MYO1D: variants seen among roughly 807,000 people sequenced by gnomAD.
MYO1D encodes the protein myosin ID.
A neutral mutation model predicts 122.0 loss-of-function variants in MYO1D; 83 were observed. The ratio of observed to expected loss-of-function variants is 0.68; its 90% CI spans 0.57 to 0.82. The LOEUF (loss-of-function observed/expected upper bound fraction) is 0.82, where lower values mean the gene tolerates loss of function less well. Among genes scored for constraint, MYO1D ranks in the 40% least tolerant of loss-of-function variants. MYO1D has a pLI of 0.00. For synonymous variants in MYO1D, 464 were observed against 446.9 expected (o/e 1.04, Z -0.48); for missense variants, 1,157 against 1,269.5 (o/e 0.91, Z 1.35).
At chr17:32,810,176 CTAT>C (rs1438491543) in intron 1 of MYO1D, among the ~76,000 whole-genome samples, 1 of 151,926 alleles carries the variant, frequency 6.6e-6, no homozygotes, top group Non-Finnish European at 1.5e-5. Flanking sequence ...TGACAAGGGA[CTAT>C]ATATGAAGGG....
intron 19 of MYO1D, among the ~76,000 whole-genome samples, chr17:32,647,687 ATTTTT>A (rs10561856): frequency 9.5e-5 from 13 of 136,366 alleles, no homozygotes; most frequent in East Asian, 4.2e-4. Flanking sequence ...TAGCTTATAC[ATTTTT>A]TTTTTTTTTT....
intron 2 of MYO1D, among the ~76,000 whole-genome samples, chr17:32,779,581 G>T (rs1411341513): frequency 6.6e-6 from 1 of 151,934 alleles, no homozygotes; most frequent in African/African-American, 2.4e-5. Flanking sequence ...ACTGTTAACA[G>T]CTGTTACTGC....
At chr17:32,876,673 T>G in intron 1 of MYO1D, 105 bp downstream of exon 1, 1 of 914,836 alleles carries the variant, frequency 1.1e-6, no homozygotes, top group Non-Finnish European at 1.6e-6. Context: ...CCTCCATCCC[T>G]GGAGCTTGGG....
intron 8 of MYO1D, 129 bp from the exon 9 acceptor site, chr17:32,760,756 A>G: frequency 1.1e-6 from 1 of 950,490 alleles, no homozygotes; most frequent in Admixed American, 2.7e-5. Flanking sequence ...CCTCAGCAGA[A>G]CAAATGAAAA....
At chr17:32,656,415 T>A (rs1027437814) in intron 17 of MYO1D, among the ~76,000 whole-genome samples, 3 of 152,162 alleles carry the variant, frequency 2.0e-5, no homozygotes, top group Non-Finnish European at 4.4e-5. Context: ...GGCAGTGCAC[T>A]CTACTCAGTG....
intron 16 of MYO1D, among the ~76,000 whole-genome samples, chr17:32,699,315 C>T (rs1479030964): frequency 2.0e-5 from 3 of 152,248 alleles, no homozygotes; most frequent in East Asian, 3.9e-4. Context: ...TGATATGTCA[C>T]TGAAAATCAT....
intron 20 of MYO1D, among the ~76,000 whole-genome samples, chr17:32,611,277 G>A (rs1392686365): frequency 2.6e-5 from 4 of 152,158 alleles, no homozygotes; most frequent in Admixed American, 6.5e-5. Flanking sequence ...GAAATAATTC[G>A]AAAAGACAAA....
chr17:32,782,316 A>G (rs2090247065), intron 1 of MYO1D, among the ~76,000 whole-genome samples: 1 of 152,182 alleles, frequency 6.6e-6, no homozygotes, highest in Non-Finnish European at 1.5e-5. Flanking sequence ...GTTGTTAGGA[A>G]GTTTACATGG....
At chr17:32,699,855 A>G (rs1410209513) in intron 16 of MYO1D, among the ~76,000 whole-genome samples, 2 of 152,226 alleles carry the variant, frequency 1.3e-5, no homozygotes, top group Admixed American at 6.5e-5. Flanking sequence ...AAAAAATAAC[A>G]TATACCTTAT....
At chr17:32,780,232 T>C (rs1304588426) in intron 2 of MYO1D, among the ~76,000 whole-genome samples, 10 of 152,198 alleles carry the variant, frequency 6.6e-5, no homozygotes, top group Admixed American at 6.5e-4. Flanking sequence ...CACCTCAATA[T>C]TTCATTTTCG....
intron 20 of MYO1D, among the ~76,000 whole-genome samples, chr17:32,615,505 A>T (rs2087759601): frequency 6.6e-6 from 1 of 152,218 alleles, no homozygotes; most frequent in African/African-American, 2.4e-5. Flanking sequence ...GAGGACCTTA[A>T]TAAAGAATGG....
chr17:32,708,747 C>A (rs2089338911), intron 16 of MYO1D, among the ~76,000 whole-genome samples: 1 of 152,150 alleles, frequency 6.6e-6, no homozygotes, highest in African/African-American at 2.4e-5. Context: ...TCCACTGCCT[C>A]ATGGTGAAGA....
At position 32,876,845 on chromosome 17, in the gene MYO1D, C is replaced by G; in HGVS notation, c.28G>C (p.Gly10Arg). ...TCCATCAGCACGAAGTCTGCCTTGC[C>G]GAATTCCAGGCTCTCCTGCTCCGCC... is the stretch of plus-strand genomic sequence containing the variant. MAEQESLEF[G>R]KADFVLMDTV... The change falls in exon 1 of 22, where the codon GGC (glycine) becomes CGC (arginine). Residue 10 changes from glycine to arginine, a missense_variant. Physicochemically the swap from Gly to Arg is moderately radical, Grantham distance 125 (BLOSUM62 -2). Coordinates refer to ENST00000318217, the MANE Select transcript of MYO1D (RefSeq NM_015194.3). 6.6e-7 allele frequency: 1 copy of G among 1,517,534 alleles called. No individual in the cohort carries two copies. Among genetic ancestry groups the G allele is most frequent in the Non-Finnish European group, 8.8e-7 (1 of 1,132,426 alleles). The allele number at this position is 1,517,534 out of a possible 1,614,324, so 94.0% of individuals were successfully genotyped here.
rs574052526 is a variant in MYO1D at position 32,722,138 on chromosome 17, A to C, written c.1747-949T>G. Among the ~76,000 whole-genome samples, 4 of 152,326 alleles carry C rather than the reference A, an allele frequency of 2.6e-5. No individual in the cohort carries two copies. The South Asian group carries it at 8.3e-4, about 32-fold the overall frequency. On this transcript the variant is annotated intron_variant, in intron 14 of 21. Coordinates refer to ENST00000318217, the MANE Select transcript of MYO1D (RefSeq NM_015194.3). Reference sequence around the variant, plus strand: ...GTAAATTTACTTGCATTTTGAACAGAATAACAGTTTTCAACACCTAAAAAA... The same window carrying C: ...GTAAATTTACTTGCATTTTGAACAGCATAACAGTTTTCAACACCTAAAAAA...
In MYO1D at chr17:32,817,094, A is replaced by ATTTTTAAAT. The variant is rs2090619023; in HGVS notation, c.96-36319_96-36311dup. ...ATTATCTGCTAGCTACTTCACAGTG[A>ATTTTTAAAT]TTTTTAAATTTTTTTGTAGATACAG... On this transcript the variant is annotated intron_variant, in intron 1 of 21. Transcript: ENST00000318217. 5.3e-5 allele frequency among the ~76,000 whole-genome samples: 8 copies of ATTTTTAAAT among 152,256 alleles called. No individual in the cohort carries two copies. The South Asian group carries it at 1.5e-3, about 28-fold the overall frequency.
chr17:32,844,550 T>C (rs758394998), intron 1 of MYO1D, among the ~76,000 whole-genome samples: 13 of 151,570 alleles, frequency 8.6e-5, no homozygotes, highest in Non-Finnish European at 2.9e-5. Context: ...CAAGACTATG[T>C]CTCTGTAAAA....
At chr17:32,560,227 C>A (rs111350740) in intron 21 of MYO1D, among the ~76,000 whole-genome samples, 10,387 of 152,006 alleles carry the variant, frequency 0.068, 444 homozygotes, top group Middle Eastern at 0.12. Context: ...TGCACTGCAG[C>A]CTGGGCGACA....
chr17:32,748,720 T>G (rs1855542677), intron 12 of MYO1D, among the ~76,000 whole-genome samples: 1 of 152,180 alleles, frequency 6.6e-6, no homozygotes, highest in African/African-American at 2.4e-5. Context: ...CTGTACGAAA[T>G]GTACATGGGC....
At chr17:32,686,158 A>AC (rs1207791736) in intron 16 of MYO1D, 2 of 152,326 alleles carry the variant, frequency 1.3e-5, no homozygotes, top group African/African-American at 4.8e-5. Context: ...ACACACACAC[A>AC]AAAACTTTGC....
Sources: allele counts gnomAD v4.1 joint callset (sites outside exome capture counted in the v4.1 genomes callset), GRCh38; gene constraint gnomAD v4.1.1; transcripts MANE v1.5; gene names NCBI Gene and HGNC (gene_info 2026-07-23, HGNC 2026-07-21).